Variants in TBC1D32 observed in about 807,000 individuals in gnomAD.
TBC1D32 encodes the protein TBC1 domain family member 32.
Under a neutral mutation model 170.3 loss-of-function variants are expected in TBC1D32, and 151 were observed. The observed-to-expected ratio is 0.89, with a 90% CI of 0.78 to 1.01. TBC1D32 has a LOEUF of 1.01. Ranked by LOEUF, TBC1D32 falls within the 50% of genes least tolerant of loss-of-function variation. The probability of loss-of-function intolerance (pLI) is 0.00; values close to 1 mark genes in which losing one functional copy is unlikely to be tolerated. For missense variants in TBC1D32, 1,464 were observed against 1,457.1 expected, an observed-to-expected ratio of 1.00 and a Z score of -0.08; for synonymous variants, 498 against 488.0, an observed-to-expected ratio of 1.02 and a Z score of -0.27.
intron 3 of TBC1D32, among the ~76,000 whole-genome samples, chr6:121,314,414 G>A (rs1808648563): frequency 6.6e-6 from 1 of 152,170 alleles, no homozygotes; most frequent in African/African-American, 2.4e-5. Flanking sequence ...ATTAGGACAT[G>A]GACATCTTTG....
intron 21 of TBC1D32, among the ~76,000 whole-genome samples, chr6:121,209,261 T>G (rs929622261): frequency 6.6e-6 from 1 of 152,170 alleles, no homozygotes; most frequent in South Asian, 2.1e-4. Flanking sequence ...CCACAATCTA[T>G]GCCATAAGCC....
At chr6:121,268,497 G>T (rs1363589097) in intron 15 of TBC1D32, among the ~76,000 whole-genome samples, 1 of 152,120 alleles carries the variant, frequency 6.6e-6, no homozygotes, top group Non-Finnish European at 1.5e-5. Context: ...CGATCAACTG[G>T]AAGAAAGGGT....
chr6:121,115,455 G>A (rs1779598831), intron 26 of TBC1D32: 2 of 398,452 alleles, frequency 5.0e-6, no homozygotes, highest in South Asian at 6.3e-5. Context: ...AAAAGCATTG[G>A]AAAACATATT....
intron 9 of TBC1D32, 76 bp from the exon 10 acceptor site, chr6:121,299,581 T>C: frequency 7.4e-7 from 1 of 1,359,616 alleles, no homozygotes; most frequent in African/African-American, 1.5e-5. Flanking sequence ...TGATTTCTAA[T>C]GACAACATCA....
rs1241736896 is a variant in TBC1D32, at chr6:121,281,542, A to G, written c.1608+2T>C. 23 of 1,602,138 alleles carry G rather than the reference A, an allele frequency of 1.4e-5. No individual in the cohort carries two copies. The highest frequency in any genetic ancestry group is 2.0e-5 in the Non-Finnish European group (23 of 1,173,632). ...TTTTTCTCCTTAGTAAATAATACGA[A>G]CCTCATTTCCTTTCATTAAATTGTG... On this transcript the variant is annotated splice_donor_variant, in intron 14 of 31. Transcript: ENST00000398212. LOFTEE classifies it high-confidence loss of function.
chr6:121,085,379 A>T (rs1776155297), intron 31 of TBC1D32, among the ~76,000 whole-genome samples: 1 of 147,484 alleles, frequency 6.8e-6, no homozygotes, highest in African/African-American at 2.5e-5. Flanking sequence ...ATGTGTATAT[A>T]TATATATATA....
chr6:121,102,938 C>T (rs888870393), intron 30 of TBC1D32, among the ~76,000 whole-genome samples: 6 of 152,146 alleles, frequency 3.9e-5, no homozygotes, highest in Non-Finnish European at 8.8e-5. Flanking sequence ...TGAACAGACA[C>T]TTCTCAAAAG....
chr6:121,126,240 T>C, intron 26 of TBC1D32, 138 bp downstream of exon 26: 1 of 555,874 alleles, frequency 1.8e-6, no homozygotes, highest in Non-Finnish European at 3.1e-6. Context: ...GGCTTAATGA[T>C]ATCTGGAATG....
intron 17 of TBC1D32, among the ~76,000 whole-genome samples, chr6:121,254,516 G>A (rs1798718269): frequency 3.3e-5 from 5 of 152,082 alleles, no homozygotes; most frequent in Admixed American, 3.3e-4. Flanking sequence ...AAACAAAGCA[G>A]CTCATTGTGT....
chr6:121,239,053 G>T lies in TBC1D32; in HGVS notation c.2364+17C>A. On this transcript the variant is annotated intron_variant, in intron 20 of 31. Coordinates refer to ENST00000398212, the MANE Select transcript of TBC1D32 (RefSeq NM_152730.6). ...TACTTTTCAAATCTGTGTATTATTA[G>T]TCAAATAACTTCTTACCTTTTGACA... 2 of 1,404,912 alleles carry T rather than the reference G, an allele frequency of 1.4e-6. No homozygotes were observed. Among genetic ancestry groups the T allele is most frequent in the Non-Finnish European group, 1.0e-6 (1 of 1,000,826 alleles). 87.0% of individuals were successfully genotyped at this position (1,404,912 alleles called of 1,614,324 possible).
At chr6:121,170,333 C>T (rs1256536317) in intron 22 of TBC1D32, 6 of 1,383,562 alleles carry the variant, frequency 4.3e-6, no homozygotes, top group Non-Finnish European at 5.7e-6. Flanking sequence ...CAAGCTATAT[C>T]AAAAATTACT....
intron 31 of TBC1D32, among the ~76,000 whole-genome samples, chr6:121,083,813 G>T (rs1033743895): frequency 6.6e-6 from 1 of 152,072 alleles, no homozygotes; most frequent in Non-Finnish European, 1.5e-5. Flanking sequence ...TGTGTTAAAT[G>T]TAGACAATAA....
chr6:121,304,909 T>A, intron 5 of TBC1D32, 76 bp from the exon 6 acceptor site: 2 of 956,400 alleles, frequency 2.1e-6, no homozygotes, highest in Non-Finnish European at 3.2e-6. Context: ...TTTCACACAG[T>A]AAAAACTCAG....
intron 21 of TBC1D32, among the ~76,000 whole-genome samples, chr6:121,218,218 A>C (rs528246172): frequency 6.6e-6 from 1 of 152,344 alleles, no homozygotes; most frequent in South Asian, 2.1e-4. Flanking sequence ...AGAGACCAGA[A>C]AAGAAGGAAG....
intron 24 of TBC1D32, among the ~76,000 whole-genome samples, chr6:121,153,773 A>C (rs890054451): frequency 3.3e-5 from 5 of 152,100 alleles, no homozygotes; most frequent in Non-Finnish European, 7.4e-5. Context: ...CCTAATATCC[A>C]GGTGGCTTGT....
intron 17 of TBC1D32, among the ~76,000 whole-genome samples, chr6:121,250,695 C>T (rs1303994017): frequency 2.0e-5 from 3 of 152,124 alleles, no homozygotes; most frequent in East Asian, 3.9e-4. Flanking sequence ...GGTGGTCTCT[C>T]TCACCACTCC....
At chr6:121,244,164 C>T (rs1248705027) in intron 17 of TBC1D32, among the ~76,000 whole-genome samples, 1 of 151,772 alleles carries the variant, frequency 6.6e-6, no homozygotes, top group Non-Finnish European at 1.5e-5. Context: ...ACTTTTAAAT[C>T]ACACACAAAT....
At chr6:121,291,384 G>A (rs2128462790) in intron 12 of TBC1D32, among the ~76,000 whole-genome samples, 1 of 151,834 alleles carries the variant, frequency 6.6e-6, no homozygotes, top group East Asian at 1.9e-4. Flanking sequence ...TACAAAAGCA[G>A]TATGTGGTCA....
chr6:121,226,690 C>G (rs1042745783), intron 20 of TBC1D32, among the ~76,000 whole-genome samples: 1 of 151,994 alleles, frequency 6.6e-6, no homozygotes, highest in African/African-American at 2.4e-5. Context: ...GAATACATGT[C>G]TTAGGAGTAA....
Sources: gnomAD v4.1 joint callset for allele counts (sites outside exome capture counted in the v4.1 genomes callset) on GRCh38, gnomAD v4.1.1 for gene constraint, MANE v1.5 for transcripts, NCBI Gene and HGNC (gene_info 2026-07-23, HGNC 2026-07-21) for gene names.